The following IQCM variants were observed in gnomAD, a reference collection of about 807,000 sequenced individuals.
IQCM encodes IQ motif containing M.
IQCM carries 45 observed loss-of-function variants against 57.6 expected under a neutral mutation model. That is an observed-to-expected ratio of 0.78 (90% CI 0.62 to 1.00). IQCM has a LOEUF of 1.00. Ranked by LOEUF, IQCM falls within the 50% of genes least tolerant of loss-of-function variation. IQCM has a pLI of 0.00. For missense variants in IQCM, 468 were observed against 511.6 expected (o/e 0.91, Z 0.82); for synonymous variants, 148 against 158.9 (o/e 0.93, Z 0.51).
intron 7 of IQCM, among the ~76,000 whole-genome samples, chr4:149,641,416 T>A (rs1276293187): frequency 6.6e-6 from 1 of 152,148 alleles, no homozygotes; most frequent in African/African-American, 2.4e-5. Context: ...TAAAAATTAA[T>A]GTCCTACAAA....
intron 7 of IQCM, among the ~76,000 whole-genome samples, chr4:149,630,992 T>C (rs946191600): frequency 6.6e-6 from 1 of 152,172 alleles, no homozygotes; most frequent in East Asian, 1.9e-4. Context: ...GGTGTCTCAC[T>C]ATACCCAGAC....
intron 12 of IQCM, among the ~76,000 whole-genome samples, chr4:149,447,461 C>T (rs1274911276): frequency 6.6e-6 from 1 of 151,434 alleles, no homozygotes. Flanking sequence ...ACATGAATGA[C>T]TAAAATTAAA....
chr4:149,735,606 A>G (rs978325162), intron 3 of IQCM, 148 bp from the exon 4 acceptor site: 9 of 391,680 alleles, frequency 2.3e-5, no homozygotes, highest in Admixed American at 4.5e-5. Flanking sequence ...TGTAATGGTC[A>G]GGTGATAAGA....
chr4:149,395,646 A>T (rs1179440698), intron 13 of IQCM, among the ~76,000 whole-genome samples: 1 of 152,002 alleles, frequency 6.6e-6, no homozygotes, highest in Non-Finnish European at 1.5e-5. Context: ...GCCAAAGAAA[A>T]AGAATGAATC....
intron 2 of IQCM, among the ~76,000 whole-genome samples, chr4:149,773,501 T>A (rs748807043): frequency 6.6e-6 from 1 of 152,204 alleles, no homozygotes; most frequent in Non-Finnish European, 1.5e-5. Flanking sequence ...AGGCATCAGA[T>A]GGGTATTTAA....
At chr4:149,775,086 A>G (rs1346955924) in intron 2 of IQCM, among the ~76,000 whole-genome samples, 1 of 151,050 alleles carries the variant, frequency 6.6e-6, no homozygotes, top group African/African-American at 2.4e-5. Flanking sequence ...TAGACAATGC[A>G]GCAACTTTGC....
At chr4:149,452,879 TAAGA>T (rs1299028333) in intron 12 of IQCM, among the ~76,000 whole-genome samples, 1 of 150,910 alleles carries the variant, frequency 6.6e-6, no homozygotes, top group East Asian at 1.9e-4. Context: ...CATTGGAGAC[TAAGA>T]AAGAGTGGTT....
rs1553975368 is a variant in IQCM, at chr4:149,481,696, G to GTTTTGTTTTTTTTTTTTTTT, written c.1229-48159_1229-48140dup. On this transcript the variant is annotated intron_variant, in intron 12 of 13. Transcript: ENST00000636793. Reference sequence around the variant, plus strand: ...GAAGTCATGTAATGTGATTCTTCCAGTTTTGTTTTTTTTTTTTTTTTTTTT... The same window carrying GTTTTGTTTTTTTTTTTTTTT: ...GAAGTCATGTAATGTGATTCTTCCAGTTTTGTTTTTTTTTTTTTTTTTTTGTTTTTTTTTTTTTTTTTTTT... Among the ~76,000 whole-genome samples, 148 of 33,400 alleles carry GTTTTGTTTTTTTTTTTTTTT rather than the reference G, an allele frequency of 4.4e-3. 6 individuals carry two copies. Among genetic ancestry groups the GTTTTGTTTTTTTTTTTTTTT allele is most frequent in the African/African-American group, 8.8e-3 (71 of 8,056 alleles). The allele number at this position is 33,400 out of a possible 152,430, so 21.9% of individuals were successfully genotyped here. A position where few individuals can be genotyped will look rare whatever the true frequency, so the allele number is the denominator to read the frequency against.
chr4:149,374,737 C>A (rs554477217), intron 13 of IQCM, among the ~76,000 whole-genome samples: 1 of 152,236 alleles, frequency 6.6e-6, no homozygotes, highest in African/African-American at 2.4e-5. Flanking sequence ...TGAGACCTAG[C>A]TCCCAACTCC....
intron 7 of IQCM, among the ~76,000 whole-genome samples, chr4:149,667,957 C>T (rs1760886980): frequency 6.6e-6 from 1 of 152,038 alleles, no homozygotes; most frequent in African/African-American, 2.4e-5. Context: ...TTGTTTGGTG[C>T]ACCTGAAAGT....
At chr4:149,784,186 A>G (rs1771871398) in intron 2 of IQCM, among the ~76,000 whole-genome samples, 1 of 152,158 alleles carries the variant, frequency 6.6e-6, no homozygotes, top group South Asian at 2.1e-4. Context: ...ATCTCAAGTT[A>G]TTTCCACAAT....
intron 13 of IQCM, among the ~76,000 whole-genome samples, chr4:149,378,468 A>G (rs913582882): frequency 5.9e-5 from 9 of 152,158 alleles, no homozygotes; most frequent in Non-Finnish European, 8.8e-5. Flanking sequence ...TCAGGTGGAG[A>G]TAAGGAACTT....
At chr4:149,485,305 A>G (rs141830411) in intron 12 of IQCM, among the ~76,000 whole-genome samples, 2 of 152,040 alleles carry the variant, frequency 1.3e-5, no homozygotes, top group East Asian at 1.9e-4. Context: ...TTCTATTCCT[A>G]TCTCTTCCCC....
chr4:149,380,219 C>CGTGTGT lies in IQCM; in HGVS notation c.1391-28159_1391-28154dup, dbSNP rs375972746. Among the ~76,000 whole-genome samples, 295 of 148,344 alleles carry CGTGTGT rather than the reference C, an allele frequency of 2.0e-3. 1 individual carries two copies. Among genetic ancestry groups the CGTGTGT allele is most frequent in the African/African-American group, 6.7e-3 (273 of 40,454 alleles). On this transcript the variant is annotated intron_variant, in intron 13 of 13. Coordinates refer to ENST00000636793, the MANE Select transcript of IQCM (RefSeq NM_001363507.2). ...GAAGATCATGCATAATGAATGTGCT[C>CGTGTGT]GTGTGTGTGTGTGTGTGTGTGTGTG...
At chr4:149,413,472 C>T (rs1006086482) in intron 13 of IQCM, among the ~76,000 whole-genome samples, 1 of 151,964 alleles carries the variant, frequency 6.6e-6, no homozygotes, top group Non-Finnish European at 1.5e-5. Flanking sequence ...TGCCATCTGC[C>T]GTGGCTGCTC....
intron 5 of IQCM, among the ~76,000 whole-genome samples, chr4:149,704,361 C>A (rs1763998363): frequency 2.0e-5 from 3 of 151,808 alleles, no homozygotes; most frequent in Admixed American, 2.0e-4. Flanking sequence ...TGGGCCTAAT[C>A]CAGCCCATCG....
chr4:149,682,167 A>T lies in IQCM; in HGVS notation c.516T>A (p.His172Gln). ...MLELLYPFPV[H>Q]LYLQPGTSNL... ...TAGAGGTCCCAGGTTGTAAGTAAAG[A>T]TGGACAGGAAAGGGATAGAGTAATT... The change falls in exon 7 of 14, where the codon CAT (histidine) becomes CAA (glutamine). Residue 172 changes from histidine to glutamine, a missense_variant. His to Gln is a conservative substitution (Grantham distance 24). Coordinates refer to ENST00000636793, the MANE Select transcript of IQCM (RefSeq NM_001363507.2). 8.2e-7 allele frequency: 1 copy of T among 1,226,338 alleles called. No homozygotes were observed. The allele number at this position is 1,226,338 out of a possible 1,614,324, so 76.0% of individuals were successfully genotyped here. A position where few individuals can be genotyped will look rare whatever the true frequency, so the allele number is the denominator to read the frequency against.
chr4:149,587,892 G>T (rs879738850), intron 9 of IQCM, 38 bp downstream of exon 9: 23 of 929,000 alleles, frequency 2.5e-5, no homozygotes, highest in Non-Finnish European at 3.2e-5. Context: ...AAAAATGAGT[G>T]CATTAATTTA....
At chr4:149,665,252 C>A (rs1467468933) in intron 7 of IQCM, among the ~76,000 whole-genome samples, 1 of 152,142 alleles carries the variant, frequency 6.6e-6, no homozygotes, top group Non-Finnish European at 1.5e-5. Flanking sequence ...TTCAGCAGCA[C>A]AAACTCCTAG....
Sources: gnomAD v4.1 joint callset for allele counts (sites outside exome capture counted in the v4.1 genomes callset) on GRCh38, gnomAD v4.1.1 for gene constraint, MANE v1.5 for transcripts, NCBI Gene and HGNC (gene_info 2026-07-23, HGNC 2026-07-21) for gene names.